DNMT3A: variants seen among roughly 807,000 people sequenced by gnomAD.
DNMT3A encodes DNA (cytosine-5)-methyltransferase 3A.
In DNMT3A, 267 loss-of-function variants were observed where a neutral mutation model predicts 117.6. The ratio of observed to expected loss-of-function variants is 2.27; its 90% confidence interval spans 2.05 to 2.51. DNMT3A has a LOEUF of 2.51. Among genes scored for constraint, DNMT3A ranks in the 30% most tolerant of loss-of-function variants. The pLI is 0.00. For missense variants in DNMT3A, 1,029 were observed against 1,260.2 expected (o/e 0.82, Z 2.78); for synonymous variants, 432 against 474.8 (o/e 0.91, Z 1.17).
chr2:25,314,016 G>C lies in DNMT3A; in HGVS notation c.-32C>G. 6.6e-7 allele frequency: 1 copy of C among 1,504,068 alleles called. No individual in the cohort carries two copies. Among genetic ancestry groups the C allele is most frequent in the Middle Eastern group, 1.8e-4 (1 of 5,630 alleles). 93.2% of individuals were successfully genotyped at this position (1,504,068 alleles called of 1,614,324 possible). On this transcript the variant is annotated 5_prime_UTR_variant, in exon 2 of 23. Transcript: ENST00000321117. Reference sequence around the variant, plus strand: ...GCCGGGAGGCAGGCTGGGGCTGCGCGGGGCTGGGGGGCTGCTGGGCTTTGG... The same window carrying C: ...GCCGGGAGGCAGGCTGGGGCTGCGCCGGGCTGGGGGGCTGCTGGGCTTTGG...
At position 25,281,477 on chromosome 2, in the gene DNMT3A, A is replaced by C. The variant is rs2031882598; in HGVS notation, c.448+964T>G. On this transcript the variant is annotated intron_variant, in intron 4 of 22. Transcript: ENST00000321117. This position sits in a 1 kb window ranked among gnomAD's most constrained non-coding sequence, Gnocchi z 4.8. ...TAAGTTTGGAAATTTGTATTCTGGAAATGTTCTCTATCCTGCATGAACATT... is the reference window on the plus strand; with the variant it reads ...TAAGTTTGGAAATTTGTATTCTGGACATGTTCTCTATCCTGCATGAACATT... 3 of 1,051,538 alleles carry C rather than the reference A, an allele frequency of 2.9e-6. No individual in the cohort carries two copies. The South Asian group carries it at 1.4e-4, about 48-fold the overall frequency. The allele number at this position is 1,051,538 out of a possible 1,614,324, so 65.1% of individuals were successfully genotyped here.
chr2:25,277,984 C>T (rs1478251672), intron 4 of DNMT3A, among the ~76,000 whole-genome samples: 3 of 149,422 alleles, frequency 2.0e-5, no homozygotes, highest in African/African-American at 7.5e-5. Context: ...AGACTCTGCG[C>T]ATGCCCACTT....
intron 1 of DNMT3A, among the ~76,000 whole-genome samples, chr2:25,321,693 TC>T (rs1182341426): frequency 7.9e-5 from 12 of 152,142 alleles, no homozygotes; most frequent in African/African-American, 2.4e-4. Context: ...TTGGGACCAG[TC>T]TGATGACACA....
chr2:25,307,291 C>T (rs2033832509), intron 2 of DNMT3A, among the ~76,000 whole-genome samples: 1 of 152,122 alleles, frequency 6.6e-6, no homozygotes, highest in Non-Finnish European at 1.5e-5. Context: ...AGGCTCATTT[C>T]CCAATTATCC....
rs1443137543 is a variant in DNMT3A at position 25,306,067 on chromosome 2, C to A, written c.73-5824G>T. Among the ~76,000 whole-genome samples the A allele has an allele frequency of 6.6e-6, 1 of 152,228 alleles. No homozygotes were observed. The highest frequency in any genetic ancestry group is 2.4e-5 in the African/African-American group (1 of 41,460). ...TGGCCTCCCAGGGACTGTCTGTGGT[C>A]ATGGAATTCAGTGAAACGAATTGGC... On this transcript the variant is annotated intron_variant, in intron 2 of 22. Transcript: ENST00000321117. The surrounding 1 kb of genome is among the most constrained non-coding windows in gnomAD (Gnocchi z 4.1).
intron 16 of DNMT3A, chr2:25,242,023 G>C (rs1674130580): frequency 2.7e-6 from 1 of 374,078 alleles, no homozygotes; most frequent in South Asian, 3.3e-5. Flanking sequence ...CTTTGTTGTT[G>C]TCCGTCTACA....
intron 1 of DNMT3A, chr2:25,314,702 G>A (rs1274422419): frequency 1.0e-6 from 1 of 985,306 alleles, no homozygotes; most frequent in African/African-American, 1.7e-5. Flanking sequence ...CTGAGCTCAG[G>A]CTGCAGGCCT....
At position 25,234,332 on chromosome 2, in the gene DNMT3A, GCACGC is replaced by G; in HGVS notation, c.2681_2685del (p.Ser894ThrfsTer25). The G allele has an allele frequency of 6.2e-7, 1 of 1,614,050 alleles. No homozygotes were observed. On this transcript the variant is annotated frameshift_variant, in exon 23 of 23. Coordinates refer to ENST00000321117, the MANE Select transcript of DNMT3A (RefSeq NM_022552.5). LOFTEE classifies it high-confidence loss of function. The surrounding 1 kb of genome is among the most constrained non-coding windows in gnomAD (Gnocchi z 4.5). ...GGAGCGAAGAGGTGGCGGATGACTGGCACGCTCCATGACCGGCCCAGCAGTCTCTG... is the reference window on the plus strand; with the variant it reads ...GGAGCGAAGAGGTGGCGGATGACTGGTCCATGACCGGCCCAGCAGTCTCTG...
At position 25,245,237 on chromosome 2, in the gene DNMT3A, G is replaced by A. The variant is rs2149294685; in HGVS notation, c.1554+16C>T. Reference sequence around the variant, plus strand: ...CCGGCCTCAACGGCACCTCTCCTGGGTGGGTGTGCTCCTACCTTGCAGTTT... The same window carrying A: ...CCGGCCTCAACGGCACCTCTCCTGGATGGGTGTGCTCCTACCTTGCAGTTT... On this transcript the variant is annotated intron_variant, in intron 13 of 22. Coordinates refer to ENST00000321117, the MANE Select transcript of DNMT3A (RefSeq NM_022552.5). 1 of 1,613,222 alleles carries A rather than the reference G, an allele frequency of 6.2e-7. No homozygotes were observed. The highest frequency in any genetic ancestry group is 8.5e-7 in the Non-Finnish European group (1 of 1,179,598).
chr2:25,240,715 G>T lies in DNMT3A; in HGVS notation c.2098C>A (p.Pro700Thr), dbSNP rs775823075. Residue 700 changes from proline (P) to threonine (T), a missense_variant, in exon 18 of 23, where the codon CCA (proline) becomes ACA (threonine). By Grantham distance (38) the Pro-to-Thr change is conservative (BLOSUM62 -1). Transcript: ENST00000321117. ...VTQKHIQEWG[P>T]FDLVIGGSPC... Reference sequence around the variant, plus strand: ...CTGCCCCCAATCACCAGATCGAATGGGCCCCACTCCTGGATCTGGGAGGAT... The same window carrying T: ...CTGCCCCCAATCACCAGATCGAATGTGCCCCACTCCTGGATCTGGGAGGAT... The T allele has an allele frequency of 6.2e-7, 1 of 1,614,054 alleles. No individual in the cohort carries two copies. Among genetic ancestry groups the T allele is most frequent in the African/African-American group, 1.3e-5 (1 of 74,930 alleles).
At chr2:25,302,055 G>A (rs2033550160) in intron 2 of DNMT3A, among the ~76,000 whole-genome samples, 1 of 152,192 alleles carries the variant, frequency 6.6e-6, no homozygotes, top group Non-Finnish European at 1.5e-5. Context: ...GCTGAGGCAT[G>A]TCTGCAGGGC....
chr2:25,264,848 T>C (rs2030144572), intron 6 of DNMT3A, among the ~76,000 whole-genome samples: 1 of 152,180 alleles, frequency 6.6e-6, no homozygotes, highest in Non-Finnish European at 1.5e-5. Flanking sequence ...AAATATTTAA[T>C]TTAGAATTTA....
rs1402773994 is a variant in DNMT3A at position 25,282,364 on chromosome 2, G to A, written c.448+77C>T. 1 of 1,549,860 alleles carries A rather than the reference G, an allele frequency of 6.5e-7. No individual in the cohort carries two copies. The highest frequency in any genetic ancestry group is 2.4e-5 in the East Asian group (1 of 41,440). ...ACCCAGACCATCCTTCCTGGGACCT[G>A]CTGGAGAGCCAAGTCCCTGACTCTC... is the stretch of plus-strand genomic sequence containing the variant. On this transcript the variant is annotated intron_variant, in intron 4 of 22. Coordinates refer to ENST00000321117, the MANE Select transcript of DNMT3A (RefSeq NM_022552.5). The surrounding 1 kb of genome is among the most constrained non-coding windows in gnomAD (Gnocchi z 5.2).
At chr2:25,279,834 GCAC>G (rs1558702468) in intron 4 of DNMT3A, among the ~76,000 whole-genome samples, 1 of 152,014 alleles carries the variant, frequency 6.6e-6, no homozygotes, top group African/African-American at 2.4e-5. Context: ...CTACAGGCAT[GCAC>G]CACCAAGCTC....
At chr2:25,278,044 C>CAAACAG (rs2031597752) in intron 4 of DNMT3A, among the ~76,000 whole-genome samples, 3 of 140,372 alleles carry the variant, frequency 2.1e-5, no homozygotes, top group Non-Finnish European at 3.3e-5. Flanking sequence ...CACACAGACA[C>CAAACAG]ACACGCTTTC....
intron 2 of DNMT3A, among the ~76,000 whole-genome samples, chr2:25,313,563 A>C (rs2034238014): frequency 6.6e-6 from 1 of 152,178 alleles, no homozygotes; most frequent in East Asian, 1.9e-4. Context: ...GATTCACGTG[A>C]AGGCCCACGG....
chr2:25,233,541 T>C lies in DNMT3A; in HGVS notation c.*738A>G, dbSNP rs1184513061. 1.3e-5 allele frequency: 3 copies of C among 233,194 alleles called. No individual in the cohort carries two copies. The highest frequency in any genetic ancestry group is 2.5e-5 in the Non-Finnish European group (3 of 117,948). 14.4% of individuals were successfully genotyped at this position (233,194 alleles called of 1,614,324 possible). On this transcript the variant is annotated 3_prime_UTR_variant, in exon 23 of 23. Coordinates refer to ENST00000321117, the MANE Select transcript of DNMT3A (RefSeq NM_022552.5). ...TTCTAGAAACTGATTTTCTTCAAGGTTTCCTGTGTGGTAGGCACCTGAAAT... is the reference window on the plus strand; with the variant it reads ...TTCTAGAAACTGATTTTCTTCAAGGCTTCCTGTGTGGTAGGCACCTGAAAT...
chr2:25,265,678 G>T (rs1008530445), intron 6 of DNMT3A, among the ~76,000 whole-genome samples: 4 of 152,106 alleles, frequency 2.6e-5, no homozygotes, highest in African/African-American at 9.7e-5. Context: ...AATTAGCCGG[G>T]TGTGGTGGCA....
At chr2:25,338,633 A>G (rs541369161) in intron 1 of DNMT3A, among the ~76,000 whole-genome samples, 16 of 152,210 alleles carry the variant, frequency 1.1e-4, no homozygotes, top group South Asian at 2.1e-4. Flanking sequence ...CGCTTGTCCA[A>G]TGGGGACCCA....
Sources: gnomAD v4.1 joint callset for allele counts (sites outside exome capture counted in the v4.1 genomes callset) on GRCh38, gnomAD v4.1.1 for gene constraint, Gnocchi (gnomAD v3.1) non-coding constraint, MANE v1.5 for transcripts, NCBI Gene and HGNC (gene_info 2026-07-23, HGNC 2026-07-21) for gene names.